The following ATF7 variants were observed in gnomAD, a reference collection of about 807,000 sequenced individuals.
ATF7 encodes the protein activating transcription factor 7.
Under a neutral mutation model 50.4 loss-of-function variants are expected in ATF7, and 10 were observed. The observed-to-expected ratio is 0.20, with a 90% CI of 0.12 to 0.34. The LOEUF (loss-of-function observed/expected upper bound fraction) is 0.34. Among genes scored for constraint, ATF7 ranks in the 10% least tolerant of loss-of-function variants. The pLI is 1.00. For missense variants in ATF7, 465 were observed against 613.9 expected (o/e 0.76, Z 2.56); for synonymous variants, 201 against 226.4 (o/e 0.89, Z 1.01).
chr12:53,536,662 C>A (rs1939244527), intron 5 of ATF7, among the ~76,000 whole-genome samples: 1 of 151,746 alleles, frequency 6.6e-6, no homozygotes, highest in Admixed American at 6.5e-5. Flanking sequence ...CCGAGGCGGG[C>A]AGATCGCCTG....
At chr12:53,534,209 G>A (rs1360068184) in intron 6 of ATF7, among the ~76,000 whole-genome samples, 1 of 152,106 alleles carries the variant, frequency 6.6e-6, no homozygotes, top group Non-Finnish European at 1.5e-5. Flanking sequence ...CCCGGGAGAC[G>A]GAGCTTGCAG....
intron 4 of ATF7, among the ~76,000 whole-genome samples, chr12:53,541,500 T>C (rs992127533): frequency 6.6e-6 from 1 of 152,196 alleles, no homozygotes; most frequent in Non-Finnish European, 1.5e-5. Context: ...ATGGGAACTA[T>C]CTTCCTTTGA....
chr12:53,593,709 G>A (rs1008827271), intron 2 of ATF7, among the ~76,000 whole-genome samples: 1 of 152,172 alleles, frequency 6.6e-6, no homozygotes, highest in African/African-American at 2.4e-5. Flanking sequence ...ACATCCAGTT[G>A]TGAGTTTGAA....
chr12:53,517,990 G>A (rs1460340553), intron 11 of ATF7, among the ~76,000 whole-genome samples: 1 of 152,028 alleles, frequency 6.6e-6, no homozygotes, highest in East Asian at 1.9e-4. Flanking sequence ...TCAGCCTTCC[G>A]AGTAGCTGGG....
At chr12:53,599,471 C>A (rs200629301) in intron 2 of ATF7, among the ~76,000 whole-genome samples, 1 of 147,582 alleles carries the variant, frequency 6.8e-6, no homozygotes, top group African/African-American at 2.5e-5. Context: ...TATATATATT[C>A]TATATATATA....
chr12:53,581,423 C>T (rs1179609723), intron 2 of ATF7, among the ~76,000 whole-genome samples: 7 of 152,242 alleles, frequency 4.6e-5, no homozygotes, highest in South Asian at 4.1e-4. Flanking sequence ...GGAACATTTA[C>T]CAAGACTGAC....
chr12:53,580,779 A>G (rs951020257), intron 2 of ATF7, among the ~76,000 whole-genome samples: 1 of 152,068 alleles, frequency 6.6e-6, no homozygotes. Flanking sequence ...CGAGCATTGC[A>G]TAATGATAAA....
intron 1 of ATF7, among the ~76,000 whole-genome samples, chr12:53,608,873 T>C (rs1257334633): frequency 6.6e-6 from 1 of 152,180 alleles, no homozygotes; most frequent in African/African-American, 2.4e-5. Flanking sequence ...TGCTCTGATT[T>C]CCATTACATC....
chr12:53,522,394 A>G (rs1267175387), intron 11 of ATF7, among the ~76,000 whole-genome samples: 1 of 151,274 alleles, frequency 6.6e-6, no homozygotes, highest in Non-Finnish European at 1.5e-5. Flanking sequence ...CCCTGTTTCC[A>G]CTAAAAACAC....
At chr12:53,519,018 C>T (rs1937919325) in intron 11 of ATF7, among the ~76,000 whole-genome samples, 1 of 150,104 alleles carries the variant, frequency 6.7e-6, no homozygotes, top group Non-Finnish European at 1.5e-5. Context: ...TGTGCCACTG[C>T]ACTCCAGCCT....
chr12:53,577,350 TAAC>T lies in ATF7; in HGVS notation c.48+23600_48+23602del, dbSNP rs1305173268. Among the ~76,000 whole-genome samples, 6 of 151,106 alleles carry T rather than the reference TAAC, an allele frequency of 4.0e-5. No homozygotes were observed. The South Asian group carries it at 1.3e-3, about 32-fold the overall frequency. On this transcript the variant is annotated intron_variant, in intron 2 of 11. Coordinates refer to ENST00000420353, the MANE Select transcript of ATF7 (RefSeq NM_006856.3). Reference sequence around the variant, plus strand: ...AAGAAAAGAAGAACTAAAAAAAAAATAACAACAACAAAATATCCAAGAACTGTG... The same window carrying T: ...AAGAAAAGAAGAACTAAAAAAAAAATAACAACAAAATATCCAAGAACTGTG...
At chr12:53,529,704 T>TACACACACACACACAC (rs1310811632) in intron 9 of ATF7, among the ~76,000 whole-genome samples, 10 of 73,350 alleles carry the variant, frequency 1.4e-4, no homozygotes, top group African/African-American at 4.7e-4. Context: ...CATATATATA[T>TACACACACACACACAC]ACACATACAC....
intron 1 of ATF7, among the ~76,000 whole-genome samples, chr12:53,607,121 C>A (rs1943648678): frequency 6.6e-6 from 1 of 152,108 alleles, no homozygotes; most frequent in South Asian, 2.1e-4. Context: ...AGTTCTAGAT[C>A]CCTGAGGAAT....
intron 2 of ATF7, among the ~76,000 whole-genome samples, chr12:53,561,206 A>G (rs1592873462): frequency 1.3e-5 from 2 of 151,664 alleles, no homozygotes; most frequent in African/African-American, 4.8e-5. Context: ...CCTTCCAAAG[A>G]GCTGGGTTTA....
At chr12:53,608,009 A>G (rs1330945450) in intron 1 of ATF7, among the ~76,000 whole-genome samples, 3 of 151,984 alleles carry the variant, frequency 2.0e-5, no homozygotes, top group African/African-American at 7.2e-5. Flanking sequence ...CACGAGGTCA[A>G]GAGATCGAGA....
chr12:53,512,076 T>C lies in ATF7; in HGVS notation c.*5061A>G, dbSNP rs1944142708. ...AACAGTGGTTCACTTGATAGTTTAA[T>C]GTTATATTTGCAGCATAAATAAGGC... On this transcript the variant is annotated 3_prime_UTR_variant, in exon 12 of 12. Coordinates refer to ENST00000420353, the MANE Select transcript of ATF7 (RefSeq NM_006856.3). 6.6e-6 allele frequency: 1 copy of C among 152,056 alleles called. No homozygotes were observed. Among genetic ancestry groups the C allele is most frequent in the Non-Finnish European group, 1.5e-5 (1 of 68,028 alleles). The allele number at this position is 152,056 out of a possible 1,614,324, so 9.4% of individuals were successfully genotyped here.
chr12:53,590,636 A>G (rs1466897593), intron 2 of ATF7, among the ~76,000 whole-genome samples: 1 of 152,234 alleles, frequency 6.6e-6, no homozygotes, highest in Non-Finnish European at 1.5e-5. Context: ...CCAACAGAGA[A>G]GAAGAAAGGC....
intron 2 of ATF7, among the ~76,000 whole-genome samples, chr12:53,586,798 TACACACACAC>T (rs747042028): frequency 1.3e-5 from 2 of 151,886 alleles, no homozygotes; most frequent in Admixed American, 6.6e-5. Flanking sequence ...CACACACAAA[TACACACACAC>T]ACGCACACAC....
At chr12:53,597,853 A>G (rs549540065) in intron 2 of ATF7, among the ~76,000 whole-genome samples, 1 of 151,886 alleles carries the variant, frequency 6.6e-6, no homozygotes, top group Non-Finnish European at 1.5e-5. Context: ...AATTGTTTTC[A>G]TTCCTACTTC....
Sources: allele counts gnomAD v4.1 joint callset (sites outside exome capture counted in the v4.1 genomes callset), GRCh38; gene constraint gnomAD v4.1.1; transcripts MANE v1.5; gene names NCBI Gene and HGNC (gene_info 2026-07-23, HGNC 2026-07-21).